The following CPT1A variants were observed in gnomAD, a reference collection of about 807,000 sequenced individuals.
CPT1A encodes the protein carnitine O-palmitoyltransferase 1, liver isoform.
Under a neutral mutation model 100.8 loss-of-function variants are expected in CPT1A, and 64 were observed. The observed-to-expected ratio is 0.63, with a 90% CI of 0.52 to 0.78. CPT1A has a LOEUF of 0.78. Ranked by LOEUF, CPT1A falls within the 30% of genes least tolerant of loss-of-function variation. The probability of loss-of-function intolerance (pLI) is 0.00; values close to 1 mark genes in which losing one functional copy is unlikely to be tolerated. For missense variants in CPT1A, 802 were observed against 1,034.1 expected (o/e 0.78, Z 3.08); for synonymous variants, 363 against 396.0 (o/e 0.92, Z 0.99).
At position 68,796,869 on chromosome 11, in the gene CPT1A, T is replaced by C. The variant is rs759848299; in HGVS notation, c.758A>G (p.Asn253Ser). The change falls in exon 7 of 19, where the codon AAC becomes AGC. Residue 253 changes from asparagine (N) to serine (S), a missense_variant. Transcript: ENST00000265641. ...GGGTGGACTCACCATGGCATAATAG[T>C]TGCTGTTCACCATGAGCGGCCCTCG... ...RGRGPLMVNSNYYAMDLLYIL... is the reference protein window; with the variant it reads ...RGRGPLMVNSSYYAMDLLYIL... 1 of 1,614,098 alleles carries C rather than the reference T, an allele frequency of 6.2e-7. No homozygotes were observed. The highest frequency in any genetic ancestry group is 1.1e-5 in the South Asian group (1 of 91,056).
Position 68,759,784 on chromosome 11 carries a change from T to C in CPT1A, c.2143-123A>G, listed in dbSNP as rs766785755. The C allele has an allele frequency of 2.5e-5, 19 of 774,042 alleles. No individual in the cohort carries two copies. The Admixed American group carries it at 3.2e-4, about 13-fold the overall frequency. 47.9% of individuals were successfully genotyped at this position (774,042 alleles called of 1,614,324 possible). A position where few individuals can be genotyped will look rare whatever the true frequency, so the allele number is the denominator to read the frequency against. ...GGCTTCTCCTTGTAATCCCAGCATTTTGGGAGGCTGAGGCAGGCGGGTCAC... is the reference window on the plus strand; with the variant it reads ...GGCTTCTCCTTGTAATCCCAGCATTCTGGGAGGCTGAGGCAGGCGGGTCAC... On this transcript the variant is annotated intron_variant, in intron 17 of 18. Transcript: ENST00000265641.
chr11:68,816,848 CGTGTGTGGTGTGT>C (rs1210266517), intron 1 of CPT1A, among the ~76,000 whole-genome samples: 2 of 93,028 alleles, frequency 2.1e-5, no homozygotes, highest in East Asian at 3.8e-4. Flanking sequence ...GTGGTGTGTG[CGTGTGTGGTGTGT>C]GTGTGTGGTG....
intron 16 of CPT1A, 81 bp from the exon 17 acceptor site, chr11:68,760,419 C>A: frequency 9.0e-7 from 1 of 1,115,552 alleles, no homozygotes; most frequent in South Asian, 1.3e-5. Context: ...ACGAGAAAAG[C>A]CTGGCTTGGT....
At chr11:68,790,355 G>A (rs1855580603) in intron 9 of CPT1A, among the ~76,000 whole-genome samples, 1 of 152,170 alleles carries the variant, frequency 6.6e-6, no homozygotes, top group East Asian at 1.9e-4. Flanking sequence ...ACAGGCATGA[G>A]CCACCACATC....
intron 3 of CPT1A, among the ~76,000 whole-genome samples, chr11:68,811,962 G>A (rs1856224280): frequency 6.6e-6 from 1 of 152,148 alleles, no homozygotes; most frequent in South Asian, 2.1e-4. Context: ...GGGGTCCCTG[G>A]AGATTTCTAA....
chr11:68,816,941 TGA>T (rs1856425636), intron 1 of CPT1A, among the ~76,000 whole-genome samples: 1 of 86,898 alleles, frequency 1.2e-5, no homozygotes, highest in Non-Finnish European at 2.1e-5. Context: ...GTGTGTGGGG[TGA>T]GTGTGTGTGG....
chr11:68,776,065 A>G (rs1303633967), intron 12 of CPT1A, among the ~76,000 whole-genome samples: 1 of 152,238 alleles, frequency 6.6e-6, no homozygotes, highest in Admixed American at 6.5e-5. Context: ...AATTCCAGGT[A>G]TGTGTTACAA....
intron 5 of CPT1A, among the ~76,000 whole-genome samples, chr11:68,803,252 C>G (rs1289097093): frequency 6.6e-6 from 1 of 152,162 alleles, no homozygotes; most frequent in African/African-American, 2.4e-5. Flanking sequence ...GTGAAAGAAG[C>G]CAGTCACAAA....
At chr11:68,796,240 A>G (rs749118876) in intron 7 of CPT1A, among the ~76,000 whole-genome samples, 6 of 152,234 alleles carry the variant, frequency 3.9e-5, no homozygotes, top group South Asian at 4.1e-4. Context: ...CTGTGGCACC[A>G]AGTTCCAGTG....
chr11:68,793,788 C>G (rs1461833100), intron 8 of CPT1A, among the ~76,000 whole-genome samples: 6 of 151,386 alleles, frequency 4.0e-5, no homozygotes, highest in Admixed American at 6.6e-5. Flanking sequence ...AAGCAGCAAG[C>G]AAGTTAAGAC....
In CPT1A at chr11:68,841,788, G is replaced by A. The variant is rs1266760200; in HGVS notation, c.-27C>T. 5 of 994,136 alleles carry A rather than the reference G, an allele frequency of 5.0e-6. No individual in the cohort carries two copies. The highest frequency in any genetic ancestry group is 1.8e-5 in the African/African-American group (1 of 55,516). The allele number at this position is 994,136 out of a possible 1,614,324, so 61.6% of individuals were successfully genotyped here. On this transcript the variant is annotated 5_prime_UTR_variant, in exon 1 of 19. Coordinates refer to ENST00000265641, the MANE Select transcript of CPT1A (RefSeq NM_001876.4). This position sits in a 1 kb window ranked among gnomAD's most constrained non-coding sequence, Gnocchi z 6.3. ...ACCGGGCCTCACCGAGTCAGCTACG[G>A]AGGTGCGGCAGCGGCAGCGGCAGCG...
chr11:68,823,319 T>A (rs1856635267), intron 1 of CPT1A, among the ~76,000 whole-genome samples: 1 of 152,256 alleles, frequency 6.6e-6, no homozygotes, highest in East Asian at 1.9e-4. Context: ...AATCTCTCAA[T>A]AAAGCTGTTA....
At chr11:68,834,835 A>C (rs1219287285) in intron 1 of CPT1A, among the ~76,000 whole-genome samples, 5 of 151,936 alleles carry the variant, frequency 3.3e-5, no homozygotes, top group Non-Finnish European at 7.4e-5. Flanking sequence ...CCCTGTCTCT[A>C]CTAACAAACA....
intron 1 of CPT1A, among the ~76,000 whole-genome samples, chr11:68,829,738 G>C (rs1217429431): frequency 6.6e-6 from 1 of 152,140 alleles, no homozygotes; most frequent in African/African-American, 2.4e-5. Flanking sequence ...AGGACCCTTG[G>C]GTGCTGTTCC....
intron 12 of CPT1A, 51 bp downstream of exon 12, chr11:68,780,589 T>G: frequency 6.5e-7 from 1 of 1,540,506 alleles, no homozygotes; most frequent in East Asian, 2.2e-5. Context: ...TGGCCAGGTT[T>G]GGATTTTCAA....
intron 12 of CPT1A, among the ~76,000 whole-genome samples, chr11:68,778,419 A>T (rs1037633781): frequency 6.6e-6 from 1 of 152,144 alleles, no homozygotes; most frequent in African/African-American, 2.4e-5. Context: ...TTGGGGGAAA[A>T]ATAGACAGAC....
intron 12 of CPT1A, among the ~76,000 whole-genome samples, chr11:68,779,920 G>A (rs540346726): frequency 2.1e-4 from 32 of 152,030 alleles, no homozygotes; most frequent in Non-Finnish European, 3.7e-4. Context: ...TAAAAGACAC[G>A]CTGCATGTTT....
rs1396576324 is a variant in CPT1A, at chr11:68,756,325, G to A, written c.*1319C>T. ...GACAGTGGGAATTTCATTCCATGAT[G>A]CTTCATTTTTGCATTAAATACTGAA... On this transcript the variant is annotated 3_prime_UTR_variant, in exon 19 of 19. Transcript: ENST00000265641. The A allele has an allele frequency of 6.6e-6, 1 of 152,172 alleles. No individual in the cohort carries two copies. The highest frequency in any genetic ancestry group is 1.5e-5 in the Non-Finnish European group (1 of 68,026). The allele number at this position is 152,172 out of a possible 1,614,324, so 9.4% of individuals were successfully genotyped here.
intron 14 of CPT1A, among the ~76,000 whole-genome samples, chr11:68,767,891 G>T (rs1854856412): frequency 6.6e-6 from 1 of 151,752 alleles, no homozygotes; most frequent in Non-Finnish European, 1.5e-5. Flanking sequence ...TCCGTAACGT[G>T]GCCACGCCCT....
Sources: gnomAD v4.1 joint callset for allele counts (sites outside exome capture counted in the v4.1 genomes callset) on GRCh38, gnomAD v4.1.1 for gene constraint, Gnocchi (gnomAD v3.1) non-coding constraint, MANE v1.5 for transcripts, NCBI Gene and HGNC (gene_info 2026-07-23, HGNC 2026-07-21) for gene names.